Variants in LEPR observed in about 807,000 individuals in gnomAD.
LEPR encodes the protein OB receptor.
In LEPR, 56 loss-of-function variants were observed where a neutral mutation model predicts 114.7. The observed-to-expected ratio is 0.49, with a 90% CI of 0.39 to 0.61. LEPR has a LOEUF of 0.61. Among genes scored for constraint, LEPR ranks in the 20% least tolerant of loss-of-function variants. The pLI is 0.00. For missense variants in LEPR, 1,202 were observed against 1,352.9 expected (o/e 0.89, Z 1.75); for synonymous variants, 443 against 461.4 (o/e 0.96, Z 0.51).
At position 65,599,257 on chromosome 1, in the gene LEPR, C is replaced by T. The variant is rs540170463; in HGVS notation, c.994+453C>T. Among the ~76,000 whole-genome samples the T allele has an allele frequency of 2.6e-5, 4 of 152,214 alleles. No individual in the cohort carries two copies. In the South Asian group the frequency reaches 8.3e-4, roughly 32 times the overall value. ...TTCATATTTTAAAGGTTATTTTTAG[C>T]ATCGGAACATCTACAGTTCATTCAC... is the stretch of plus-strand genomic sequence containing the variant. On this transcript the variant is annotated intron_variant, in intron 8 of 19. Transcript: ENST00000349533.
chr1:65,616,146 G>A lies in LEPR; in HGVS notation c.2134G>A (p.Val712Ile), dbSNP rs772088773. The change falls in exon 15 of 20, where the codon GTT (valine) becomes ATT (isoleucine). Residue 712 changes from valine to isoleucine, a missense_variant. Coordinates refer to ENST00000349533, the MANE Select transcript of LEPR (RefSeq NM_002303.6). ...TFLWTEQAHT[V>I]TVLAINSIGA... ...CCTGTGGACAGAGCAAGCACATACT[G>A]TTACGGTTCTGGCCATCAATTCAAT... The A allele has an allele frequency of 1.9e-6, 3 of 1,614,054 alleles. No homozygotes were observed. In the African/African-American group the frequency reaches 4.0e-5, roughly 22 times the overall value.
intron 5 of LEPR, among the ~76,000 whole-genome samples, chr1:65,575,492 G>A (rs1204294084): frequency 6.6e-6 from 1 of 151,280 alleles, no homozygotes; most frequent in Non-Finnish European, 1.5e-5. Context: ...TATTTCATGT[G>A]TATGTAGTAT....
At chr1:65,453,725 G>A (rs1277727431) in intron 2 of LEPR, among the ~76,000 whole-genome samples, 1 of 152,180 alleles carries the variant, frequency 6.6e-6, no homozygotes, top group Non-Finnish European at 1.5e-5. Flanking sequence ...TGGAATAGGT[G>A]TGGTGTGGTG....
intron 2 of LEPR, among the ~76,000 whole-genome samples, chr1:65,472,867 C>A (rs1015034483): frequency 6.6e-6 from 1 of 152,178 alleles, no homozygotes; most frequent in Admixed American, 6.5e-5. Flanking sequence ...AAGCAAAGCA[C>A]ATCTGTTCTT....
At chr1:65,623,023 GC>G in intron 19 of LEPR, 42 bp downstream of exon 19, 1 of 1,580,076 alleles carries the variant, frequency 6.3e-7, no homozygotes, top group Non-Finnish European at 8.7e-7. Flanking sequence ...ATATACGATT[GC>G]AATCTAGACG....
chr1:65,477,639 C>G (rs745502783), intron 2 of LEPR, among the ~76,000 whole-genome samples: 67 of 152,320 alleles, frequency 4.4e-4, no homozygotes, highest in Non-Finnish European at 4.9e-4. Context: ...AGGTGCCATA[C>G]ACAAGTGCAA....
At chr1:65,483,978 G>C (rs1647346770) in intron 2 of LEPR, among the ~76,000 whole-genome samples, 1 of 147,202 alleles carries the variant, frequency 6.8e-6, no homozygotes, top group African/African-American at 2.5e-5. Context: ...TTGCTCTGTT[G>C]TCTAGGCTGG....
intron 19 of LEPR, among the ~76,000 whole-genome samples, chr1:65,627,653 A>G (rs1326746111): frequency 1.3e-5 from 2 of 152,192 alleles, no homozygotes; most frequent in Non-Finnish European, 2.9e-5. Flanking sequence ...GGGAAGTTTT[A>G]TAAGAATACT....
At chr1:65,603,229 T>C (rs898371089) in intron 10 of LEPR, among the ~76,000 whole-genome samples, 1 of 152,146 alleles carries the variant, frequency 6.6e-6, no homozygotes, top group Non-Finnish European at 1.5e-5. Context: ...GCTGTCATGA[T>C]AATGATGCCA....
chr1:65,517,193 A>T (rs113424381), intron 2 of LEPR, among the ~76,000 whole-genome samples: 3,406 of 152,320 alleles, frequency 0.022, 52 homozygotes, highest in Admixed American at 0.029. Context: ...AACTATAGAT[A>T]CTGGTGGTTC....
At position 65,620,139 on chromosome 1, in the gene LEPR, T is replaced by G; in HGVS notation, c.2491+116T>G. Reference sequence around the variant, plus strand: ...TAGAATCATGGAAGAGTCCAAAGTCTTCTGTAGATTTTTCATGGTGAGGTT... The same window carrying G: ...TAGAATCATGGAAGAGTCCAAAGTCGTCTGTAGATTTTTCATGGTGAGGTT... On this transcript the variant is annotated intron_variant, in intron 17 of 19. Transcript: ENST00000349533. 3.7e-6 allele frequency: 3 copies of G among 807,832 alleles called. No individual in the cohort carries two copies. The South Asian group carries it at 5.0e-5, about 13-fold the overall frequency. The allele number at this position is 807,832 out of a possible 1,614,324, so 50.0% of individuals were successfully genotyped here. A position where few individuals can be genotyped will look rare whatever the true frequency, so the allele number is the denominator to read the frequency against.
rs1651819180 is a variant in LEPR at position 65,547,178 on chromosome 1, G to T, written c.-20-18368G>T. Among the ~76,000 whole-genome samples, 3 of 151,776 alleles carry T rather than the reference G, an allele frequency of 2.0e-5. No individual in the cohort carries two copies. In the South Asian group the frequency reaches 6.3e-4, roughly 32 times the overall value. ...AAGCCCACTTGATCATGGCGGATAA[G>T]CTTTTTGATGTGCTGCTGGATTCGG... On this transcript the variant is annotated intron_variant, in intron 2 of 19. Coordinates refer to ENST00000349533, the MANE Select transcript of LEPR (RefSeq NM_002303.6).
At chr1:65,592,890 T>A in intron 6 of LEPR, 25 bp downstream of exon 6, 1 of 1,610,322 alleles carries the variant, frequency 6.2e-7, no homozygotes, top group Non-Finnish European at 8.5e-7. Context: ...AAAATGATGA[T>A]AATAGGTCTA....
At chr1:65,435,589 G>T (rs1014283203) in intron 2 of LEPR, 1 of 602,428 alleles carries the variant, frequency 1.7e-6, no homozygotes, top group Non-Finnish European at 2.1e-6. Flanking sequence ...GGATGGTCTC[G>T]ATCTCCTGAC....
At chr1:65,598,633 C>T in intron 7 of LEPR, 27 bp from the exon 8 acceptor site, 6 of 1,611,462 alleles carry the variant, frequency 3.7e-6, no homozygotes, top group Non-Finnish European at 4.2e-6. Flanking sequence ...ACTTGATGTT[C>T]TGATGTTTTA....
intron 2 of LEPR, among the ~76,000 whole-genome samples, chr1:65,465,379 G>T (rs1476013064): frequency 6.6e-6 from 1 of 152,212 alleles, no homozygotes. Context: ...ATTGCACTGT[G>T]GTCTGAGAGA....
intron 19 of LEPR, chr1:65,629,268 C>A (rs756873666): frequency 8.0e-6 from 3 of 373,684 alleles, no homozygotes; most frequent in South Asian, 2.0e-5. Context: ...AGCACTCTTA[C>A]GCTTCCCTCC....
chr1:65,587,016 C>CT (rs5774757), intron 5 of LEPR, among the ~76,000 whole-genome samples: 46,474 of 151,720 alleles, frequency 0.31, 7,995 homozygotes, highest in East Asian at 0.83. Flanking sequence ...TAAATTCGCC[C>CT]TTTTTTACAA....
chr1:65,602,700 T>A (rs1656524031), intron 10 of LEPR, among the ~76,000 whole-genome samples: 2 of 152,132 alleles, frequency 1.3e-5, no homozygotes, highest in African/African-American at 2.4e-5. Flanking sequence ...TCAATTTGTA[T>A]AACATGCTCA....
Sources: gnomAD v4.1 joint callset for allele counts (sites outside exome capture counted in the v4.1 genomes callset) on GRCh38, gnomAD v4.1.1 for gene constraint, MANE v1.5 for transcripts, NCBI Gene and HGNC (gene_info 2026-07-23, HGNC 2026-07-21) for gene names.